Variants in RAB11FIP4 observed in about 807,000 individuals in gnomAD.
RAB11FIP4 encodes the protein rab11 family-interacting protein 4.
In RAB11FIP4, 23 loss-of-function variants were observed where a neutral mutation model predicts 74.3. The ratio of observed to expected loss-of-function variants is 0.31; its 90% CI spans 0.22 to 0.44. The LOEUF (loss-of-function observed/expected upper bound fraction) is 0.44. Ranked by LOEUF, RAB11FIP4 falls within the 20% of genes least tolerant of loss-of-function variation. The pLI is 1.00. For missense variants in RAB11FIP4, 630 were observed against 863.9 expected (o/e 0.73, Z 3.39); for synonymous variants, 360 against 359.9 (o/e 1.00, Z 0.00).
intron 1 of RAB11FIP4, among the ~76,000 whole-genome samples, chr17:31,418,269 T>C (rs1026673856): frequency 2.0e-5 from 3 of 151,970 alleles, no homozygotes; most frequent in African/African-American, 7.3e-5. Flanking sequence ...GCACCTGTAA[T>C]CCCAGCTACT....
At chr17:31,438,294 C>T (rs75618780) in intron 3 of RAB11FIP4, among the ~76,000 whole-genome samples, 2,222 of 152,138 alleles carry the variant, frequency 0.015, 53 homozygotes, top group African/African-American at 0.05. Flanking sequence ...CCTCAGCAGG[C>T]AGTAATGTGA....
chr17:31,420,612 T>A (rs1421557674), intron 1 of RAB11FIP4, among the ~76,000 whole-genome samples: 1 of 151,264 alleles, frequency 6.6e-6, no homozygotes, highest in Non-Finnish European at 1.5e-5. Context: ...GTTTTGTTAA[T>A]CTTTTCAAAA....
chr17:31,450,309 C>G (rs1207203267), intron 3 of RAB11FIP4, among the ~76,000 whole-genome samples: 1 of 146,944 alleles, frequency 6.8e-6, no homozygotes, highest in Non-Finnish European at 1.5e-5. Context: ...ACACCACCCC[C>G]CCGCCACCGG....
At chr17:31,417,461 A>G (rs1190501405) in intron 1 of RAB11FIP4, among the ~76,000 whole-genome samples, 1 of 152,084 alleles carries the variant, frequency 6.6e-6, no homozygotes, top group Non-Finnish European at 1.5e-5. Flanking sequence ...TCTGTCTTCT[A>G]TTGTGGCTGC....
At chr17:31,426,622 G>T in intron 1 of RAB11FIP4, among the ~76,000 whole-genome samples, 1 of 128,418 alleles carries the variant, frequency 7.8e-6, no homozygotes, top group Non-Finnish European at 1.6e-5. Context: ...TTTTGAGACG[G>T]AATTTTGCTC....
intron 3 of RAB11FIP4, among the ~76,000 whole-genome samples, chr17:31,485,115 G>A (rs1315439760): frequency 6.6e-6 from 1 of 152,186 alleles, no homozygotes; most frequent in Admixed American, 6.5e-5. Context: ...TCATTTCATT[G>A]AAACTTCACA....
chr17:31,400,283 G>A (rs1030566477), intron 1 of RAB11FIP4, among the ~76,000 whole-genome samples: 1 of 152,232 alleles, frequency 6.6e-6, no homozygotes. Flanking sequence ...GGCTATTGAG[G>A]TGGAGCCCAG....
At chr17:31,440,540 A>G (rs190340556) in intron 3 of RAB11FIP4, among the ~76,000 whole-genome samples, 4 of 152,326 alleles carry the variant, frequency 2.6e-5, no homozygotes, top group African/African-American at 9.6e-5. Context: ...AGGCCAAGGC[A>G]GGTGGATCAC....
At chr17:31,432,316 C>T (rs978287638) in intron 2 of RAB11FIP4, among the ~76,000 whole-genome samples, 1 of 151,668 alleles carries the variant, frequency 6.6e-6, no homozygotes, top group African/African-American at 2.4e-5. Context: ...CCGCCTCCCT[C>T]TGAGCTGCTG....
At chr17:31,431,963 T>C (rs2071314077) in intron 2 of RAB11FIP4, 63 bp downstream of exon 2, 1 of 1,272,194 alleles carries the variant, frequency 7.9e-7, no homozygotes, top group East Asian at 2.3e-5. Context: ...GGGAAGCTGG[T>C]GTGACTGGGG....
chr17:31,438,465 C>T (rs2071380310), intron 3 of RAB11FIP4, among the ~76,000 whole-genome samples: 1 of 152,046 alleles, frequency 6.6e-6, no homozygotes, highest in Admixed American at 6.5e-5. Context: ...TCAGCGCCTC[C>T]TCATGCAGCT....
intron 3 of RAB11FIP4, among the ~76,000 whole-genome samples, chr17:31,479,844 G>GTCA (rs1265336704): frequency 9.9e-5 from 15 of 152,242 alleles, no homozygotes; most frequent in Admixed American, 6.5e-4. Context: ...TGTGACTATA[G>GTCA]GTAAGTCATT....
At chr17:31,465,452 T>C (rs1025901475) in intron 3 of RAB11FIP4, 2 of 145,328 alleles carry the variant, frequency 1.4e-5, no homozygotes, top group Admixed American at 1.4e-4. Context: ...TGTGCTTCAA[T>C]CCCACATTAC....
At chr17:31,480,422 A>G (rs1407600764) in intron 3 of RAB11FIP4, among the ~76,000 whole-genome samples, 1 of 152,118 alleles carries the variant, frequency 6.6e-6, no homozygotes, top group African/African-American at 2.4e-5. Flanking sequence ...GATAAATGAT[A>G]AAGTCTGGAG....
chr17:31,499,182 C>G (rs1021068900), intron 3 of RAB11FIP4, among the ~76,000 whole-genome samples: 1 of 152,128 alleles, frequency 6.6e-6, no homozygotes, highest in Non-Finnish European at 1.5e-5. Context: ...GAAATCTTTT[C>G]TGAGAATTTA....
chr17:31,481,243 C>T (rs2071845867), intron 3 of RAB11FIP4, among the ~76,000 whole-genome samples: 1 of 152,016 alleles, frequency 6.6e-6, no homozygotes, highest in Non-Finnish European at 1.5e-5. Flanking sequence ...TTAAAAACTG[C>T]CAACACCTGG....
chr17:31,504,021 G>GT (rs2072270113), intron 3 of RAB11FIP4, among the ~76,000 whole-genome samples: 1 of 149,274 alleles, frequency 6.7e-6, no homozygotes, highest in Non-Finnish European at 1.5e-5. Context: ...TCCCATCCTA[G>GT]TTAAAATACC....
chr17:31,514,396 C>T (rs1249599338), intron 3 of RAB11FIP4, among the ~76,000 whole-genome samples: 1 of 152,206 alleles, frequency 6.6e-6, no homozygotes, highest in Non-Finnish European at 1.5e-5. Flanking sequence ...CCTCTGCCTG[C>T]CTCTGGGAGC....
At chr17:31,432,086 G>A (rs527367544) in intron 2 of RAB11FIP4, among the ~76,000 whole-genome samples, 186 bp downstream of exon 2, 32 of 152,270 alleles carry the variant, frequency 2.1e-4, no homozygotes, top group African/African-American at 6.0e-4. Flanking sequence ...TGCCCCAGCC[G>A]TGGGGGGCTG....
Sources: allele counts gnomAD v4.1 joint callset (sites outside exome capture counted in the v4.1 genomes callset), GRCh38; gene constraint gnomAD v4.1.1; transcripts MANE v1.5; gene names NCBI Gene and HGNC (gene_info 2026-07-23, HGNC 2026-07-21).